The following ISLR2 variants were observed in gnomAD, a reference collection of about 807,000 sequenced individuals.
ISLR2 encodes immunoglobulin superfamily containing leucine rich repeat 2, also known as immunoglobulin superfamily containing leucine-rich repeat protein 2.
A neutral mutation model predicts 25.5 loss-of-function variants in ISLR2; 16 were observed. The observed-to-expected ratio is 0.63, with a 90% confidence interval of 0.43 to 0.95. ISLR2 has a LOEUF of 0.95. Among genes scored for constraint, ISLR2 ranks in the 40% least tolerant of loss-of-function variants. The pLI is 0.00. For synonymous variants in ISLR2, 508 were observed against 486.6 expected, an observed-to-expected ratio of 1.04 and a Z score of -0.58; for missense variants, 883 against 1,030.7, an observed-to-expected ratio of 0.86 and a Z score of 1.96.
downstream of ISLR2, among the ~76,000 whole-genome samples, chr15:74,137,974 G>T (rs1479568744): frequency 6.6e-6 from 1 of 151,758 alleles, no homozygotes. Context: ...TTTTAAAATA[G>T]ATCAGTTTTA....
chr15:74,123,271 A>G (rs902514638), upstream of ISLR2, among the ~76,000 whole-genome samples: 3 of 151,988 alleles, frequency 2.0e-5, no homozygotes, highest in African/African-American at 4.8e-5. Flanking sequence ...GAGGGGAGAC[A>G]CAGAAATTGC....
chr15:74,103,387 G>A (rs2072095681), intron 1 of ISLR2, among the ~76,000 whole-genome samples: 1 of 150,192 alleles, frequency 6.7e-6, no homozygotes, highest in Admixed American at 6.6e-5. Flanking sequence ...TGGATCACTC[G>A]AGGCCAGGAG....
intron 2 of ISLR2, among the ~76,000 whole-genome samples, chr15:74,109,368 G>A (rs78736280): frequency 0.061 from 9,107 of 149,546 alleles, 507 homozygotes; most frequent in African/African-American, 0.17. Context: ...TCCTCAGTCC[G>A]GTGAAGGGCA....
chr15:74,113,209 T>C (rs1219468145), intron 2 of ISLR2, among the ~76,000 whole-genome samples: 1 of 152,244 alleles, frequency 6.6e-6, no homozygotes. Flanking sequence ...TAATGCTCGC[T>C]GTCCACCACT....
At position 74,133,355 on chromosome 15, in the gene ISLR2, G is replaced by C. The variant is rs1035670710; in HGVS notation, c.601G>C (p.Val201Leu). ...GCAGGCCTGGGCCGCGAGCACCCGG[G>C]TGTCCTTACCCGAGCCCGACTCCAT... ...WLQAWAASTR[V>L]SLPEPDSIAC... Residue 201 changes from valine (V) to leucine (L), a missense_variant, in exon 3 of 3, where the codon GTG (valine) becomes CTG (leucine). Physicochemically the swap from Val to Leu is conservative, Grantham distance 32. This residue lies in a region of ISLR2 where 271 missense variants were observed against 387.9 expected (regional missense o/e 0.70). Coordinates refer to ENST00000453268, the MANE Select transcript of ISLR2 (RefSeq NM_020851.3). The C allele has an allele frequency of 1.2e-6, 2 of 1,608,442 alleles. No individual in the cohort carries two copies. Among genetic ancestry groups the C allele is most frequent in the East Asian group, 4.5e-5 (2 of 44,874 alleles).
rs1192072252 is a variant in ISLR2 at position 74,135,055 on chromosome 15, T to C, written c.*63T>C. On this transcript the variant is annotated 3_prime_UTR_variant, in exon 3 of 3. Coordinates refer to ENST00000453268, the MANE Select transcript of ISLR2 (RefSeq NM_020851.3). ...CCTAGGGTGCCTGGGAGCAGCAGTC[T>C]AGGGCTGGCAGGACTTATGTCCCCC... 6.4e-6 allele frequency: 10 copies of C among 1,561,234 alleles called. No homozygotes were observed. The East Asian group carries it at 2.3e-4, about 35-fold the overall frequency.
At chr15:74,109,242 GC>G (rs2072146727) in intron 2 of ISLR2, among the ~76,000 whole-genome samples, 2 of 152,128 alleles carry the variant, frequency 1.3e-5, no homozygotes, top group South Asian at 4.1e-4. Context: ...TTTTCACTCA[GC>G]AGTGAATAGA....
At chr15:74,128,375 C>G, upstream of ISLR2, 1 of 440,156 alleles carries the variant, frequency 2.3e-6, no homozygotes, top group Non-Finnish European at 4.5e-6. Context: ...TGAGCTAGAG[C>G]CTCCGGGCCC....
At chr15:74,137,583 G>A (rs1595953059), downstream of ISLR2, among the ~76,000 whole-genome samples, 1 of 152,234 alleles carries the variant, frequency 6.6e-6, no homozygotes, top group African/African-American at 2.4e-5. Flanking sequence ...GATCAAGAAA[G>A]GAGACTGTGC....
At chr15:74,114,137 A>T (rs1274472086) in intron 2 of ISLR2, among the ~76,000 whole-genome samples, 1 of 152,206 alleles carries the variant, frequency 6.6e-6, no homozygotes, top group African/African-American at 2.4e-5. Context: ...CCCACCAGAA[A>T]AACACAGCAG....
chr15:74,132,747 G>A lies in ISLR2; in HGVS notation c.-8G>A. On this transcript the variant is annotated splice_region_variant and 5_prime_UTR_variant, in exon 3 of 3. Transcript: ENST00000453268. This position sits in a 1 kb window ranked among gnomAD's most constrained non-coding sequence, Gnocchi z 4.3. ...TTCTTCACCTGGCTTCCATCTGCAG[G>A]AGCCGCGATGTTCCCCCTTCGGGCC... 3.1e-6 allele frequency: 5 copies of A among 1,604,972 alleles called. No homozygotes were observed. Among genetic ancestry groups the A allele is most frequent in the Non-Finnish European group, 4.3e-6 (5 of 1,172,704 alleles).
intron 2 of ISLR2, among the ~76,000 whole-genome samples, chr15:74,111,138 T>TAAAA (rs764782225): frequency 3.3e-5 from 2 of 60,678 alleles, no homozygotes; most frequent in African/African-American, 6.1e-5. Context: ...AGACTCCATC[T>TAAAA]AAAAAAAAAA....
At position 74,134,299 on chromosome 15, in the gene ISLR2, G is replaced by C. The variant is rs1253458074; in HGVS notation, c.1545G>C (p.Gly515=). The C allele has an allele frequency of 6.5e-7, 1 of 1,533,492 alleles. No homozygotes were observed. Among genetic ancestry groups the C allele is most frequent in the Non-Finnish European group, 8.8e-7 (1 of 1,141,590 alleles). 95.0% of individuals were successfully genotyped at this position (1,533,492 alleles called of 1,614,324 possible). A position where few individuals can be genotyped will look rare whatever the true frequency, so the allele number is the denominator to read the frequency against. Residue 515 remains glycine, a synonymous_variant, in exon 3 of 3, where the codon GGG becomes GGC. Transcript: ENST00000453268. Reference sequence around the variant, plus strand: ...CGCGCTGGGGCCCTGGGCCCGGCGGGGCTGGCGGAGCCCCGCGACCCGGGC... The same window carrying C: ...CGCGCTGGGGCCCTGGGCCCGGCGGCGCTGGCGGAGCCCCGCGACCCGGGC... ...LAARWGPGPG[G]AGGAPRPGRR...
intron 2 of ISLR2, among the ~76,000 whole-genome samples, chr15:74,121,958 C>T (rs2072255642): frequency 6.6e-6 from 1 of 152,154 alleles, no homozygotes; most frequent in African/African-American, 2.4e-5. Context: ...TTCTAGTGCC[C>T]GTGGGCAATG....
chr15:74,106,128 C>T (rs2072117704), intron 2 of ISLR2, among the ~76,000 whole-genome samples: 2 of 152,130 alleles, frequency 1.3e-5, no homozygotes, highest in African/African-American at 4.8e-5. Flanking sequence ...GAGTTTGAGG[C>T]TGCAGTGAGC....
In ISLR2 at chr15:74,133,820, C is replaced by T; in HGVS notation, c.1066C>T (p.Arg356Cys). Reference sequence around the variant, plus strand: ...CAAGGAGGCGGGCGTCTACACTTGCCGTGCACACAATGAGCTGGGCGCCAA... The same window carrying T: ...CAAGGAGGCGGGCGTCTACACTTGCTGTGCACACAATGAGCTGGGCGCCAA... The part of the protein sequence containing the change: ...SAKEAGVYTC[R>C]AHNELGANST... The change falls in exon 3 of 3, where the codon CGT becomes TGT. Residue 356 changes from arginine to cysteine, a missense_variant. Coordinates refer to ENST00000453268, the MANE Select transcript of ISLR2 (RefSeq NM_020851.3). 2 of 1,613,916 alleles carry T rather than the reference C, an allele frequency of 1.2e-6. No homozygotes were observed. The highest frequency in any genetic ancestry group is 1.7e-6 in the Non-Finnish European group (2 of 1,179,946).
rs1325756996 is a variant in ISLR2 at position 74,102,434 on chromosome 15, G to A, written n.160-1412G>A. On this transcript the variant is annotated intron_variant and non_coding_transcript_variant, in intron 1 of 3. Transcript: ENST00000561975. ...CAGAAATAAAGTTAAAAGGTGGGTG[G>A]TGCGCCCTTTTAATGTCATACTGAG... Among the ~76,000 whole-genome samples, 5 of 141,176 alleles carry A rather than the reference G, an allele frequency of 3.5e-5. No homozygotes were observed. In the South Asian group the frequency reaches 7.5e-4, roughly 21 times the overall value. The allele number at this position is 141,176 out of a possible 152,430, so 92.6% of individuals were successfully genotyped here.
At chr15:74,111,251 C>T (rs1322621088) in intron 2 of ISLR2, among the ~76,000 whole-genome samples, 1 of 151,446 alleles carries the variant, frequency 6.6e-6, no homozygotes. Flanking sequence ...CAAAAGGCCA[C>T]ATACTGGGTG....
At chr15:74,118,690 C>G (rs533472988) in intron 2 of ISLR2, among the ~76,000 whole-genome samples, 6 of 150,670 alleles carry the variant, frequency 4.0e-5, no homozygotes, top group African/African-American at 1.5e-4. Flanking sequence ...TGGAGTCTCA[C>G]TCTGTCACCC....
Sources: gnomAD v4.1 joint callset for allele counts (sites outside exome capture counted in the v4.1 genomes callset) on GRCh38, gnomAD v4.1.1 for gene constraint, gnomAD v4.1.1 regional missense constraint, Gnocchi (gnomAD v3.1) non-coding constraint, MANE v1.5 for transcripts, NCBI Gene and HGNC (gene_info 2026-07-23, HGNC 2026-07-21) for gene names.